The following SLC9B1 variants were observed in gnomAD, a reference collection of about 807,000 sequenced individuals.
The protein encoded by SLC9B1 is solute carrier family 9 member B1.
In SLC9B1, 32 loss-of-function variants were observed where a neutral mutation model predicts 51.7. That is an observed-to-expected ratio of 0.62 (90% CI 0.47 to 0.83). The LOEUF is 0.83. SLC9B1 is among the 40% of genes least tolerant of loss of function. The pLI, the probability that SLC9B1 is intolerant of heterozygous loss-of-function variation, is 0.00. For missense variants in SLC9B1, 406 were observed against 613.2 expected, an observed-to-expected ratio of 0.66 and a Z score of 3.57; for synonymous variants, 145 against 212.7, an observed-to-expected ratio of 0.68 and a Z score of 2.77.
At chr4:102,941,664 C>CGA (rs34829436) in intron 6 of SLC9B1, among the ~76,000 whole-genome samples, 65,659 of 126,350 alleles carry the variant, frequency 0.52, 18,000 homozygotes, top group African/African-American at 0.66. Context: ...AAAAAAAACC[C>CGA]GAGAGAGAGA....
chr4:102,894,909 G>T (rs937603511), intron 11 of SLC9B1, among the ~76,000 whole-genome samples: 4 of 152,030 alleles, frequency 2.6e-5, no homozygotes, highest in Admixed American at 1.3e-4. Flanking sequence ...CTCCAGCCTG[G>T]GTGACAAAGT....
intron 9 of SLC9B1, among the ~76,000 whole-genome samples, chr4:102,907,696 A>C (rs1466043158): frequency 6.6e-6 from 1 of 152,174 alleles, no homozygotes; most frequent in East Asian, 1.9e-4. Context: ...TTTTTTAAAC[A>C]GAAGATACAT....
chr4:102,917,076 T>G (rs1010499033), intron 7 of SLC9B1, among the ~76,000 whole-genome samples: 3 of 152,256 alleles, frequency 2.0e-5, no homozygotes, highest in Admixed American at 6.5e-5. Context: ...TTCTTTTTTA[T>G]GCACTTTCTC....
At position 102,951,960 on chromosome 4, in the gene SLC9B1, CT is replaced by C. The variant is rs765709645; in HGVS notation, c.212-2534del. Reference sequence around the variant, plus strand: ...AGACTACCAAAGGCAAAAATAAAATCTTTTTTTTTTTTTTTTTTTTATTATA... The same window carrying C: ...AGACTACCAAAGGCAAAAATAAAATCTTTTTTTTTTTTTTTTTTTATTATA... On this transcript the variant is annotated intron_variant, in intron 3 of 11. Transcript: ENST00000296422. Among the ~76,000 whole-genome samples the C allele has an allele frequency of 3.7e-3, 24 of 6,554 alleles. 4 individuals are homozygous for C. The highest frequency in any genetic ancestry group is 5.9e-3 in the Non-Finnish European group (19 of 3,216). The allele number at this position is 6,554 out of a possible 152,430, so 4.3% of individuals were successfully genotyped here. A position where few individuals can be genotyped will look rare whatever the true frequency, so the allele number is the denominator to read the frequency against.
At chr4:102,965,681 C>T (rs1738384739) in intron 3 of SLC9B1, among the ~76,000 whole-genome samples, 1 of 152,078 alleles carries the variant, frequency 6.6e-6, no homozygotes, top group Non-Finnish European at 1.5e-5. Flanking sequence ...TCTCAATGGT[C>T]CCCAAAGTCT....
At chr4:102,923,607 A>G (rs1257250380) in intron 7 of SLC9B1, among the ~76,000 whole-genome samples, 1 of 152,034 alleles carries the variant, frequency 6.6e-6, no homozygotes, top group African/African-American at 2.4e-5. Context: ...CAATTAGGAA[A>G]AGAGGAAGTC....
At chr4:102,887,419 A>G (rs1160059404) in intron 11 of SLC9B1, 1 of 1,018,142 alleles carries the variant, frequency 9.8e-7, no homozygotes, top group East Asian at 2.5e-5. Flanking sequence ...ACTGAAGAAG[A>G]AAGAAGTATA....
intron 6 of SLC9B1, among the ~76,000 whole-genome samples, chr4:102,936,212 C>T (rs887895300): frequency 2.1e-4 from 32 of 152,190 alleles, no homozygotes; most frequent in Non-Finnish European, 3.8e-4. Flanking sequence ...CCTTGTGCCA[C>T]AGTCAAACCC....
chr4:102,973,464 CCT>C (rs1310524210), intron 3 of SLC9B1, among the ~76,000 whole-genome samples: 2 of 152,056 alleles, frequency 1.3e-5, no homozygotes, highest in African/African-American at 4.8e-5. Flanking sequence ...GAAACTTAAA[CCT>C]CTGAGTCAAT....
intron 1 of SLC9B1, among the ~76,000 whole-genome samples, chr4:103,003,742 A>T (rs1430467084): frequency 6.6e-6 from 1 of 152,176 alleles, no homozygotes; most frequent in Non-Finnish European, 1.5e-5. Context: ...CCTGCAGCAC[A>T]GCAGGTTCCT....
intron 4 of SLC9B1, 120 bp from the exon 5 acceptor site, chr4:102,946,909 A>T: frequency 1.3e-6 from 1 of 795,556 alleles, no homozygotes; most frequent in Non-Finnish European, 1.9e-6. Context: ...GGCAGGTTAC[A>T]AGCAAGTAGA....
intron 3 of SLC9B1, among the ~76,000 whole-genome samples, chr4:102,987,302 G>C (rs1739678295): frequency 6.6e-6 from 1 of 152,052 alleles, no homozygotes. Flanking sequence ...AGGCTGACTA[G>C]AGTTGGGAAC....
At chr4:102,995,007 AT>A (rs1213021271) in intron 1 of SLC9B1, among the ~76,000 whole-genome samples, 1 of 152,190 alleles carries the variant, frequency 6.6e-6, no homozygotes, top group Non-Finnish European at 1.5e-5. Context: ...TTATGAGGTA[AT>A]TGGTAAGAAT....
intron 11 of SLC9B1, chr4:102,889,718 G>T (rs551207619): frequency 7.5e-4 from 114 of 152,246 alleles, no homozygotes; most frequent in African/African-American, 2.7e-3. Flanking sequence ...TTTCAGAAGC[G>T]TAGGGTTGGT....
chr4:102,907,328 AGGGGGTTGG>A (rs1328132424), intron 9 of SLC9B1, among the ~76,000 whole-genome samples: 1 of 152,136 alleles, frequency 6.6e-6, no homozygotes, highest in Non-Finnish European at 1.5e-5. Context: ...GGTTCTCAAA[AGGGGGTTGG>A]GAAGCCCTCC....
At chr4:102,917,078 C>T (rs1735610966) in intron 7 of SLC9B1, among the ~76,000 whole-genome samples, 1 of 152,194 alleles carries the variant, frequency 6.6e-6, no homozygotes, top group South Asian at 2.1e-4. Context: ...CTTTTTTATG[C>T]ACTTTCTCTC....
intron 11 of SLC9B1, chr4:102,887,724 A>G (rs964154969): frequency 1.4e-5 from 3 of 214,602 alleles, no homozygotes; most frequent in South Asian, 1.9e-4. Flanking sequence ...TTGAATATCA[A>G]TATTTTCAAC....
At chr4:102,990,791 G>A (rs901821558) in intron 2 of SLC9B1, among the ~76,000 whole-genome samples, 7 of 151,974 alleles carry the variant, frequency 4.6e-5, no homozygotes, top group African/African-American at 1.7e-4. Flanking sequence ...CATTGAGGAA[G>A]GGAATTTTAC....
intron 11 of SLC9B1, chr4:102,888,814 C>A (rs764261016): frequency 4.4e-4 from 67 of 152,332 alleles, no homozygotes; most frequent in African/African-American, 1.6e-3. Context: ...AAAAGAGTTA[C>A]CATTTAACTC....
Sources: gnomAD v4.1 joint callset for allele counts (sites outside exome capture counted in the v4.1 genomes callset) on GRCh38, gnomAD v4.1.1 for gene constraint, MANE v1.5 for transcripts, NCBI Gene and HGNC (gene_info 2026-07-23, HGNC 2026-07-21) for gene names.